ITGA6: variants seen among roughly 807,000 people sequenced by gnomAD.
The protein encoded by ITGA6 is integrin subunit alpha 6.
Under a neutral mutation model 133.6 loss-of-function variants are expected in ITGA6, and 63 were observed. That is an observed-to-expected ratio of 0.47 (90% CI 0.38 to 0.58). ITGA6 has a LOEUF of 0.58. ITGA6 is among the 20% of genes least tolerant of loss of function. ITGA6 has a pLI of 0.00. For missense variants in ITGA6, 1,068 were observed against 1,309.4 expected, an observed-to-expected ratio of 0.82 and a Z score of 2.85; for synonymous variants, 434 against 482.0, an observed-to-expected ratio of 0.90 and a Z score of 1.30.
intron 19 of ITGA6, 49 bp downstream of exon 19, chr2:172,488,277 C>G: frequency 3.6e-6 from 4 of 1,107,634 alleles, no homozygotes; most frequent in Non-Finnish European, 5.6e-6. Flanking sequence ...CTGACATATA[C>G]TAGGTATGGT....
intron 20 of ITGA6, 88 bp downstream of exon 20, chr2:172,489,746 A>G: frequency 8.3e-7 from 1 of 1,210,552 alleles, no homozygotes; most frequent in African/African-American, 1.5e-5. Context: ...TTCTTAGGAA[A>G]GTGGCATATT....
At chr2:172,493,205 G>C (rs1686994299) in intron 23 of ITGA6, among the ~76,000 whole-genome samples, 1 of 152,072 alleles carries the variant, frequency 6.6e-6, no homozygotes, top group Non-Finnish European at 1.5e-5. Flanking sequence ...ACTGCACCCA[G>C]CCCCAGGATA....
chr2:172,445,484 CA>C (rs1684725965), intron 1 of ITGA6, among the ~76,000 whole-genome samples: 1 of 150,522 alleles, frequency 6.6e-6, no homozygotes. Flanking sequence ...CCCGTCTCTA[CA>C]AAAAATACAA....
At chr2:172,481,582 G>A (rs1686441761) in intron 11 of ITGA6, among the ~76,000 whole-genome samples, 1 of 152,062 alleles carries the variant, frequency 6.6e-6, no homozygotes, top group South Asian at 2.1e-4. Flanking sequence ...CATAAGCTCA[G>A]TTAGCCTTCA....
At chr2:172,472,857 A>AC (rs779797088) in intron 5 of ITGA6, 39 of 1,610,936 alleles carry the variant, frequency 2.4e-5, no homozygotes, top group Non-Finnish European at 3.2e-5. Context: ...GCAGCCTGAC[A>AC]CATTCCCTGA....
chr2:172,499,996 A>C (rs760422551), intron 24 of ITGA6, among the ~76,000 whole-genome samples: 3 of 152,166 alleles, frequency 2.0e-5, no homozygotes, highest in Admixed American at 6.5e-5. Context: ...AATACGACTT[A>C]TACAACCCCA....
At position 172,474,224 on chromosome 2, in the gene ITGA6, AT is replaced by A; in HGVS notation, c.948del (p.Phe316LeufsTer18). On this transcript the variant is annotated frameshift_variant, in exon 6 of 26. Transcript: ENST00000684293. LOFTEE classifies it high-confidence loss of function. ...IFDGEGLASS[F>X]GYDVAVVDLN... ...TCGATGGAGAAGGTCTGGCCTCTTC[AT>A]TTGGCTATGATGTGGCGGTGGTGGA... The A allele has an allele frequency of 6.2e-7, 1 of 1,614,120 alleles. No homozygotes were observed. Among genetic ancestry groups the A allele is most frequent in the Non-Finnish European group, 8.5e-7 (1 of 1,180,024 alleles).
At chr2:172,502,060 T>G (rs1202487800) in intron 25 of ITGA6, among the ~76,000 whole-genome samples, 159 bp downstream of exon 25, 4 of 152,206 alleles carry the variant, frequency 2.6e-5, no homozygotes, top group Admixed American at 1.3e-4. Context: ...TTTATTTCAC[T>G]TGAAAGCTCA....
chr2:172,471,674 C>T (rs146002764), intron 5 of ITGA6, among the ~76,000 whole-genome samples: 124 of 152,272 alleles, frequency 8.1e-4, no homozygotes, highest in African/African-American at 2.8e-3. Flanking sequence ...ACTGCTAAAA[C>T]GGCTTTCAGG....
At chr2:172,447,848 T>C (rs1559120796) in intron 1 of ITGA6, among the ~76,000 whole-genome samples, 2 of 151,358 alleles carry the variant, frequency 1.3e-5, no homozygotes, top group Admixed American at 6.6e-5. Context: ...TCACATTTTT[T>C]CCCCCGGTAC....
rs951543512 is a variant in ITGA6, at chr2:172,428,980, C to T, written c.182+1010C>T. 1.3e-5 allele frequency among the ~76,000 whole-genome samples: 2 copies of T among 152,210 alleles called. 1 individual carries two copies. Among genetic ancestry groups the T allele is most frequent in the South Asian group, 4.1e-4 (2 of 4,828 alleles). On this transcript the variant is annotated intron_variant, in intron 1 of 25. Coordinates refer to ENST00000684293, the MANE Select transcript of ITGA6 (RefSeq NM_000210.4). The stretch of plus-strand genomic sequence containing the variant: ...TAGGCTGTAGCAACAAAAGGTCTCC[C>T]CTCCCCACCCAGGCCTTGAGTTGAA...
intron 1 of ITGA6, chr2:172,464,519 CT>C (rs1162957819): frequency 1.3e-5 from 2 of 152,228 alleles, no homozygotes; most frequent in Non-Finnish European, 1.5e-5. Context: ...TGTTCTTTGT[CT>C]TTGTTTCTTG....
At chr2:172,463,407 A>T (rs1385750544) in intron 1 of ITGA6, among the ~76,000 whole-genome samples, 1 of 152,080 alleles carries the variant, frequency 6.6e-6, no homozygotes, top group South Asian at 2.1e-4. Flanking sequence ...AACTGCAATA[A>T]TGCTTTTCTT....
rs1687491989 is a variant in ITGA6, at chr2:172,504,800, AC to A, written c.*734del. The stretch of plus-strand genomic sequence containing the variant: ...TTTCCTGTTTCCTAGCTGTGTGAAT[AC>A]CTGCTCACGTCAAATGCATACAAGT... On this transcript the variant is annotated 3_prime_UTR_variant, in exon 26 of 26. Coordinates refer to ENST00000684293, the MANE Select transcript of ITGA6 (RefSeq NM_000210.4). 6.5e-6 allele frequency: 1 copy of A among 152,736 alleles called. No individual in the cohort carries two copies. The allele number at this position is 152,736 out of a possible 1,614,324, so 9.5% of individuals were successfully genotyped here.
intron 25 of ITGA6, among the ~76,000 whole-genome samples, chr2:172,502,183 G>T (rs1409379959): frequency 3.3e-5 from 5 of 152,280 alleles, no homozygotes; most frequent in Admixed American, 1.3e-4. Flanking sequence ...CACACAAAAA[G>T]AGACTTTTAG....
chr2:172,469,214 G>A lies in ITGA6; in HGVS notation c.477G>A (p.Gln159=). The A allele has an allele frequency of 4.3e-6, 7 of 1,614,126 alleles. No individual in the cohort carries two copies. Among genetic ancestry groups the A allele is most frequent in the Non-Finnish European group, 5.9e-6 (7 of 1,179,956 alleles). Residue 159 remains glutamine (Q), a synonymous_variant, in exon 4 of 26, where the codon CAG becomes CAA. Coordinates refer to ENST00000684293, the MANE Select transcript of ITGA6 (RefSeq NM_000210.4). ...TTGGGCGGTGTTATGTCCTGAGTCA[G>A]AATCTCAGGATTGAAGACGATATGG... ...DIFGRCYVLS[Q]NLRIEDDMDG... is the part of the protein sequence containing the mutation.
At chr2:172,475,149 T>G (rs1258291462) in intron 7 of ITGA6, 27 bp downstream of exon 7, 1 of 1,318,540 alleles carries the variant, frequency 7.6e-7, no homozygotes, top group Admixed American at 1.7e-5. Context: ...GAAATGGCTA[T>G]GATTTATAGA....
At position 172,504,249 on chromosome 2, in the gene ITGA6, A is replaced by G. The variant is rs370596498; in HGVS notation, c.*181A>G. 2 of 1,552,882 alleles carry G rather than the reference A, an allele frequency of 1.3e-6. No individual in the cohort carries two copies. The highest frequency in any genetic ancestry group is 1.7e-6 in the Non-Finnish European group (2 of 1,152,926). On this transcript the variant is annotated 3_prime_UTR_variant, in exon 26 of 26. Coordinates refer to ENST00000684293, the MANE Select transcript of ITGA6 (RefSeq NM_000210.4). ...AGTGGAACGAAAATGAAAGCTACTCATAGCGGGGGCCTAAAAAAAAAAAGC... is the reference window on the plus strand; with the variant it reads ...AGTGGAACGAAAATGAAAGCTACTCGTAGCGGGGGCCTAAAAAAAAAAAGC...
At chr2:172,496,134 A>G (rs1249070587) in intron 23 of ITGA6, among the ~76,000 whole-genome samples, 2 of 152,224 alleles carry the variant, frequency 1.3e-5, no homozygotes. Context: ...CAGCTTACCA[A>G]CCACGTAACT....
Sources: gnomAD v4.1 joint callset for allele counts (sites outside exome capture counted in the v4.1 genomes callset) on GRCh38, gnomAD v4.1.1 for gene constraint, MANE v1.5 for transcripts, NCBI Gene and HGNC (gene_info 2026-07-23, HGNC 2026-07-21) for gene names.